GLI3: variants seen among roughly 807,000 people sequenced by gnomAD.
GLI3 encodes GLI family zinc finger 3, also known as transcription activator GLI3.
A neutral mutation model predicts 100.8 loss-of-function variants in GLI3; 20 were observed. That is an observed-to-expected ratio of 0.20 (90% CI 0.14 to 0.29). The LOEUF (loss-of-function observed/expected upper bound fraction) is 0.29, where lower values mean the gene tolerates loss of function less well. Among genes scored for constraint, GLI3 ranks in the 10% least tolerant of loss-of-function variants. The probability of loss-of-function intolerance (pLI) is 1.00; values close to 1 mark genes in which losing one functional copy is unlikely to be tolerated. For synonymous variants in GLI3, 938 were observed against 860.5 expected (o/e 1.09, Z -1.58); for missense variants, 2,040 against 2,128.5 (o/e 0.96, Z 0.82).
upstream of GLI3, among the ~76,000 whole-genome samples, chr7:42,237,304 C>T (rs1788828310): frequency 6.6e-6 from 1 of 151,880 alleles, no homozygotes; most frequent in East Asian, 1.9e-4. Context: ...TCCCTTCTGA[C>T]TCACAAGCCC....
At chr7:42,202,441 G>A (rs954507346) in intron 2 of GLI3, among the ~76,000 whole-genome samples, 3 of 150,686 alleles carry the variant, frequency 2.0e-5, no homozygotes, top group Non-Finnish European at 4.4e-5. Context: ...ATGCTTCCTG[G>A]TTCTAAAAAC....
At chr7:41,978,457 G>C in intron 11 of GLI3, 142 bp downstream of exon 11, 1 of 812,262 alleles carries the variant, frequency 1.2e-6, no homozygotes, top group Non-Finnish European at 2.2e-6. Context: ...CAAACACCGA[G>C]GCATTTATCA....
intron 4 of GLI3, among the ~76,000 whole-genome samples, chr7:42,049,222 A>G (rs1784305453): frequency 1.3e-5 from 2 of 152,244 alleles, no homozygotes; most frequent in African/African-American, 4.8e-5. Context: ...CACATGGCAG[A>G]GCTGTCCGTA....
chr7:42,219,577 C>G (rs757245891), intron 2 of GLI3, among the ~76,000 whole-genome samples: 14 of 152,146 alleles, frequency 9.2e-5, no homozygotes. Context: ...AAACAAAACT[C>G]TATACGCATG....
chr7:42,173,827 A>G (rs1048290993), intron 2 of GLI3, among the ~76,000 whole-genome samples: 25 of 152,200 alleles, frequency 1.6e-4, no homozygotes, highest in Non-Finnish European at 3.2e-4. Flanking sequence ...CAAGAACAGA[A>G]GCAGAGCTGG....
chr7:42,161,343 G>A (rs1787126991), intron 2 of GLI3, among the ~76,000 whole-genome samples: 1 of 152,206 alleles, frequency 6.6e-6, no homozygotes, highest in African/African-American at 2.4e-5. Flanking sequence ...GTCTACAGCT[G>A]TTTTGGAGCC....
intron 2 of GLI3, among the ~76,000 whole-genome samples, chr7:42,190,376 G>A (rs1583634610): frequency 6.6e-6 from 1 of 151,940 alleles, no homozygotes; most frequent in Admixed American, 6.6e-5. Flanking sequence ...CTGAAAATGG[G>A]GTGTAAACAT....
chr7:42,245,524 C>CA (rs754440197), intron 1 of GLI3, among the ~76,000 whole-genome samples: 1 of 151,712 alleles, frequency 6.6e-6, no homozygotes, highest in Non-Finnish European at 1.5e-5. Context: ...CTAAAAAATA[C>CA]AAAAAAATTA....
chr7:42,176,586 A>G (rs556142031), intron 2 of GLI3, among the ~76,000 whole-genome samples: 1 of 152,364 alleles, frequency 6.6e-6, no homozygotes, highest in South Asian at 2.1e-4. Flanking sequence ...TGCCAGAACA[A>G]TCTGCTTCCT....
upstream of GLI3, among the ~76,000 whole-genome samples, chr7:42,241,430 C>T (rs1479879056): frequency 6.6e-6 from 1 of 152,174 alleles, no homozygotes; most frequent in Non-Finnish European, 1.5e-5. Context: ...GCCAGCCAGC[C>T]TGCATGTAAG....
chr7:42,067,485 G>A (rs947609340), intron 4 of GLI3, among the ~76,000 whole-genome samples: 1 of 152,202 alleles, frequency 6.6e-6, no homozygotes, highest in East Asian at 1.9e-4. Flanking sequence ...TCAGATGATA[G>A]AGATACTATT....
intron 3 of GLI3, among the ~76,000 whole-genome samples, chr7:42,112,916 T>C (rs1175644771): frequency 1.3e-5 from 2 of 152,132 alleles, no homozygotes; most frequent in Non-Finnish European, 2.9e-5. Context: ...CTCACATCTG[T>C]AATCCCATCA....
At chr7:42,156,020 G>A (rs951474350) in intron 2 of GLI3, among the ~76,000 whole-genome samples, 27 of 152,092 alleles carry the variant, frequency 1.8e-4, no homozygotes, top group African/African-American at 5.6e-4. Flanking sequence ...CGAGGTCAGC[G>A]AAGATTGCTG....
At chr7:42,074,138 A>T (rs1339975412) in intron 4 of GLI3, among the ~76,000 whole-genome samples, 1 of 152,208 alleles carries the variant, frequency 6.6e-6, no homozygotes, top group Non-Finnish European at 1.5e-5. Context: ...GCCAACCTTC[A>T]GCATTTATTT....
At chr7:42,172,654 T>A (rs1364034779) in intron 2 of GLI3, 3 of 702,902 alleles carry the variant, frequency 4.3e-6, no homozygotes, top group Non-Finnish European at 7.8e-6. Flanking sequence ...ATCCTCCTGG[T>A]CCAGCCTCTG....
chr7:42,255,447 A>C (rs991391942), intron 1 of GLI3, among the ~76,000 whole-genome samples: 1 of 152,180 alleles, frequency 6.6e-6, no homozygotes, highest in Admixed American at 6.5e-5. Flanking sequence ...CCATTACCTA[A>C]AAGAAAAATC....
chr7:42,057,900 G>A (rs1015356636), intron 4 of GLI3, among the ~76,000 whole-genome samples: 11 of 151,956 alleles, frequency 7.2e-5, no homozygotes, highest in South Asian at 2.1e-4. Flanking sequence ...AGGGGTCAGC[G>A]GAGGGGAATA....
intron 2 of GLI3, 161 bp downstream of exon 2, chr7:42,222,969 T>C: frequency 3.8e-6 from 3 of 790,138 alleles, no homozygotes; most frequent in Non-Finnish European, 6.5e-6. Flanking sequence ...GATTACTACA[T>C]TCCATGTCCC....
Position 42,260,830 on chromosome 7 carries a change from G to A in GLI3, c.-43+3164C>T, listed in dbSNP as rs540007193. Among the ~76,000 whole-genome samples the A allele has an allele frequency of 1.2e-3, 179 of 152,220 alleles. 6 individuals carry two copies. The highest frequency in any genetic ancestry group is 3.4e-3 in the Middle Eastern group (1 of 294). On this transcript the variant is annotated intron_variant, in intron 1 of 2. Transcript: ENST00000678978. ...CAATCTCAATTTTCCTGATAGAGAG[G>A]GGGCAGAGTGAGAGGGAAAGAGTGA...
Sources: allele counts gnomAD v4.1 joint callset (sites outside exome capture counted in the v4.1 genomes callset), GRCh38; gene constraint gnomAD v4.1.1; transcripts MANE v1.5; gene names NCBI Gene and HGNC (gene_info 2026-07-23, HGNC 2026-07-21).